Variants in FGF14 observed in about 807,000 individuals in gnomAD.
FGF14 encodes the protein fibroblast growth factor homologous factor 4.
A neutral mutation model predicts 25.5 loss-of-function variants in FGF14; 5 were observed. That is an observed-to-expected ratio of 0.20 (90% CI 0.10 to 0.41). The LOEUF (loss-of-function observed/expected upper bound fraction) is 0.41. Ranked by LOEUF, FGF14 falls within the 10% of genes least tolerant of loss-of-function variation. FGF14 has a pLI of 1.00. For missense variants in FGF14, 222 were observed against 320.1 expected (o/e 0.69, Z 2.34); for synonymous variants, 138 against 118.3 (o/e 1.17, Z -1.08).
intron 1 of FGF14, among the ~76,000 whole-genome samples, chr13:102,036,926 C>G (rs1017241213): frequency 6.6e-6 from 1 of 152,118 alleles, no homozygotes; most frequent in Admixed American, 6.6e-5. Context: ...GGAGATTTTT[C>G]CTGCTTGGCA....
chr13:102,039,835 G>T (rs1049121351), intron 1 of FGF14, among the ~76,000 whole-genome samples: 1 of 152,176 alleles, frequency 6.6e-6, no homozygotes, highest in East Asian at 1.9e-4. Flanking sequence ...AATCCTTTGG[G>T]TGGCTTCCTC....
chr13:102,009,057 G>A (rs2039948142), intron 1 of FGF14, among the ~76,000 whole-genome samples: 1 of 152,078 alleles, frequency 6.6e-6, no homozygotes, highest in African/African-American at 2.4e-5. Flanking sequence ...AGCCATACAT[G>A]TCCTTTGAAG....
At chr13:102,022,391 C>G (rs1348432938) in intron 1 of FGF14, among the ~76,000 whole-genome samples, 1 of 152,096 alleles carries the variant, frequency 6.6e-6, no homozygotes, top group South Asian at 2.1e-4. Flanking sequence ...GCTGTTCAGT[C>G]TCTTGGAGTC....
intron 1 of FGF14, among the ~76,000 whole-genome samples, chr13:101,955,861 C>T (rs2036480793): frequency 6.6e-6 from 1 of 152,208 alleles, no homozygotes; most frequent in Non-Finnish European, 1.5e-5. Context: ...ACCTTTTCTT[C>T]ATTAACCGAA....
At chr13:101,800,939 T>A (rs1198511607) in intron 3 of FGF14, among the ~76,000 whole-genome samples, 2 of 152,186 alleles carry the variant, frequency 1.3e-5, no homozygotes, top group Non-Finnish European at 2.9e-5. Flanking sequence ...TAATAATGAA[T>A]CTGCCTGGAG....
chr13:101,816,973 T>A (rs577938105), intron 3 of FGF14, among the ~76,000 whole-genome samples: 1 of 152,298 alleles, frequency 6.6e-6, no homozygotes, highest in African/African-American at 2.4e-5. Flanking sequence ...TTCAGGCAGG[T>A]TTTGAAAGCT....
At position 102,029,523 on chromosome 13, in the gene FGF14, T is replaced by C. The variant is rs566019609; in HGVS notation, c.209-154227A>G. 4.6e-5 allele frequency among the ~76,000 whole-genome samples: 7 copies of C among 151,852 alleles called. No homozygotes were observed. The East Asian group carries it at 1.4e-3, about 30-fold the overall frequency. On this transcript the variant is annotated intron_variant, in intron 1 of 4. Transcript: ENST00000376131. ...TGTGTGTAGATCAACATGAATTGTG[T>C]CATTACAAACAACTCAAAGTTTAAG...
At chr13:102,052,470 T>G (rs1347546947) in intron 1 of FGF14, among the ~76,000 whole-genome samples, 2 of 151,838 alleles carry the variant, frequency 1.3e-5, no homozygotes, top group African/African-American at 2.4e-5. Flanking sequence ...TCTGAAAATT[T>G]TTGAAAATTT....
Position 102,266,825 on chromosome 13 carries a change from A to C in FGF14, c.208+134646T>G, listed in dbSNP as rs570226660. On this transcript the variant is annotated intron_variant, in intron 1 of 4. Transcript: ENST00000376131. ...TATATACTGCTGAAATCAGTAAGAAAGGTAAAACACAAGCTTGAAAAGCAA... is the reference window on the plus strand; with the variant it reads ...TATATACTGCTGAAATCAGTAAGAACGGTAAAACACAAGCTTGAAAAGCAA... 1.8e-3 allele frequency among the ~76,000 whole-genome samples: 280 copies of C among 152,250 alleles called. 2 individuals are homozygous for C. The highest frequency in any genetic ancestry group is 6.3e-3 in the African/African-American group (261 of 41,582).
chr13:101,819,727 T>A (rs185055892), intron 3 of FGF14, among the ~76,000 whole-genome samples: 442 of 152,286 alleles, frequency 2.9e-3, no homozygotes, highest in African/African-American at 9.6e-3. Flanking sequence ...GTTATTATAA[T>A]ATGGATTTTT....
intron 1 of FGF14, among the ~76,000 whole-genome samples, chr13:102,324,018 T>C (rs2056339110): frequency 6.6e-6 from 1 of 151,578 alleles, no homozygotes. Context: ...GCTGTACATG[T>C]GCTGTTGTAT....
chr13:102,136,142 CTA>C (rs2046399339), intron 1 of FGF14, among the ~76,000 whole-genome samples: 1 of 152,002 alleles, frequency 6.6e-6, no homozygotes, highest in South Asian at 2.1e-4. Context: ...ATGCTCCATT[CTA>C]TGTCATTTTA....
intron 1 of FGF14, among the ~76,000 whole-genome samples, chr13:102,332,754 T>C (rs2056671928): frequency 6.6e-6 from 1 of 152,160 alleles, no homozygotes; most frequent in Admixed American, 6.5e-5. Flanking sequence ...TAATAATTTT[T>C]ACTTATAAGT....
At chr13:102,077,894 A>G (rs2043436012) in intron 1 of FGF14, among the ~76,000 whole-genome samples, 1 of 152,220 alleles carries the variant, frequency 6.6e-6, no homozygotes, top group Non-Finnish European at 1.5e-5. Flanking sequence ...CTAAGTACCC[A>G]TGAACAAATG....
chr13:101,966,190 G>C (rs996452), intron 1 of FGF14, among the ~76,000 whole-genome samples: 5,187 of 152,252 alleles, frequency 0.034, 300 homozygotes, highest in African/African-American at 0.12. Flanking sequence ...GTTGAAATGA[G>C]GTCATCAGGG....
intron 1 of FGF14, among the ~76,000 whole-genome samples, chr13:101,932,896 T>A (rs1377693157): frequency 6.6e-6 from 1 of 152,114 alleles, no homozygotes; most frequent in Admixed American, 6.6e-5. Context: ...ATTCAATGAA[T>A]TTTGAGATCA....
intron 1 of FGF14, among the ~76,000 whole-genome samples, chr13:101,933,365 G>A (rs960276854): frequency 4.6e-5 from 7 of 152,054 alleles, no homozygotes; most frequent in African/African-American, 1.4e-4. Flanking sequence ...GAAGTTATCC[G>A]GTACAAGATT....
At position 101,715,824 on chromosome 13, in the gene FGF14, C is replaced by T; in HGVS notation, c.*7007G>A. ...GAGTACCTATTAGAAATGAGTTATG[C>T]AAATTTAGATGCAAATAACATTAGA... On this transcript the variant is annotated 3_prime_UTR_variant, in exon 5 of 5. Transcript: ENST00000376143. The T allele has an allele frequency of 2.1e-6, 1 of 476,064 alleles. No individual in the cohort carries two copies. 29.5% of individuals were successfully genotyped at this position (476,064 alleles called of 1,614,324 possible). A position where few individuals can be genotyped will look rare whatever the true frequency, so the allele number is the denominator to read the frequency against.
rs962220724 is a variant in FGF14 at position 102,282,290 on chromosome 13, T to C, written c.208+119181A>G. Among the ~76,000 whole-genome samples the C allele has an allele frequency of 3.8e-4, 58 of 152,174 alleles. 2 individuals carry two copies. Among genetic ancestry groups the C allele is most frequent in the African/African-American group, 1.3e-3 (52 of 41,526 alleles). On this transcript the variant is annotated intron_variant, in intron 1 of 4. Transcript: ENST00000376131. ...CATGTTGGTCAGGCTGGTCTCGAAC[T>C]CCCAACCTCAGGTGATCCGCCCACC... is the stretch of plus-strand genomic sequence containing the variant.
Sources: allele counts gnomAD v4.1 joint callset (sites outside exome capture counted in the v4.1 genomes callset), GRCh38; gene constraint gnomAD v4.1.1; transcripts MANE v1.5; gene names NCBI Gene and HGNC (gene_info 2026-07-23, HGNC 2026-07-21).